PDPN: variants seen among roughly 807,000 people sequenced by gnomAD.
The protein encoded by PDPN is podoplanin, also known as PA2.26 antigen.
PDPN carries 12 observed loss-of-function variants against 23.2 expected under a neutral mutation model. The ratio of observed to expected loss-of-function variants is 0.52; its 90% confidence interval spans 0.33 to 0.84. The LOEUF (loss-of-function observed/expected upper bound fraction) is 0.84. Among genes scored for constraint, PDPN ranks in the 40% least tolerant of loss-of-function variants. The pLI, the probability that PDPN is intolerant of heterozygous loss-of-function variation, is 0.02. For missense variants in PDPN, 199 were observed against 212.2 expected (o/e 0.94, Z 0.39); for synonymous variants, 77 against 76.7 (o/e 1.00, Z -0.02).
intron 1 of PDPN, among the ~76,000 whole-genome samples, chr1:13,606,368 C>T (rs962324984): frequency 6.6e-6 from 1 of 152,094 alleles, no homozygotes; most frequent in Non-Finnish European, 1.5e-5. Flanking sequence ...TATTACTGAC[C>T]CTCCCCTGTA....
intron 1 of PDPN, among the ~76,000 whole-genome samples, chr1:13,606,887 G>A (rs555893914): frequency 1.5e-4 from 23 of 152,224 alleles, no homozygotes; most frequent in Non-Finnish European, 2.6e-4. Flanking sequence ...TACGTCCCCT[G>A]TCCAGGCCAC....
Position 13,583,847 on chromosome 1 carries a change from T to C in PDPN, c.-187T>C, listed in dbSNP as rs202164928. The C allele has an allele frequency of 5.7e-6, 9 of 1,580,752 alleles. No homozygotes were observed. The highest frequency in any genetic ancestry group is 1.9e-5 in the Admixed American group (1 of 53,874). On this transcript the variant is annotated 5_prime_UTR_variant, in exon 1 of 6. Transcript: ENST00000621990. ...GAAAGTTCTCAACTGCAAAGTTTGC[T>C]GTCCGGCTGCCTAGGGTCTGGGAAG...
intron 2 of PDPN, among the ~76,000 whole-genome samples, chr1:13,608,652 C>G (rs1640855815): frequency 6.6e-6 from 1 of 152,110 alleles, no homozygotes; most frequent in Admixed American, 6.5e-5. Flanking sequence ...AAAACGAACA[C>G]TTAAACAAAA....
rs1641087034 is a variant in PDPN, at chr1:13,616,931, C to A, written c.*1020C>A. The A allele has an allele frequency of 6.6e-6, 1 of 152,190 alleles. No homozygotes were observed. Among genetic ancestry groups the A allele is most frequent in the Non-Finnish European group, 1.5e-5 (1 of 68,042 alleles). 9.4% of individuals were successfully genotyped at this position (152,190 alleles called of 1,614,324 possible). A position where few individuals can be genotyped will look rare whatever the true frequency, so the allele number is the denominator to read the frequency against. On this transcript the variant is annotated 3_prime_UTR_variant, in exon 6 of 6. Coordinates refer to ENST00000621990, the MANE Select transcript of PDPN (RefSeq NM_006474.5). Reference sequence around the variant, plus strand: ...CTGCCAGTTTTATAACATTCACTTTCTGCCTCTGAGGAAAGATACAGGGAA... The same window carrying A: ...CTGCCAGTTTTATAACATTCACTTTATGCCTCTGAGGAAAGATACAGGGAA...
chr1:13,590,237 A>C (rs546339109), intron 1 of PDPN, among the ~76,000 whole-genome samples: 1 of 152,312 alleles, frequency 6.6e-6, no homozygotes, highest in Non-Finnish European at 1.5e-5. Context: ...TACTGAATCG[A>C]AGGATGCTGT....
At chr1:13,591,159 C>T (rs1640333366) in intron 1 of PDPN, among the ~76,000 whole-genome samples, 1 of 152,062 alleles carries the variant, frequency 6.6e-6, no homozygotes, top group East Asian at 1.9e-4. Context: ...TCAGGATGGT[C>T]TCGAACTCCT....
chr1:13,614,208 G>C, intron 4 of PDPN, 92 bp from the exon 5 acceptor site: 1 of 701,180 alleles, frequency 1.4e-6, no homozygotes, highest in Non-Finnish European at 2.5e-6. Flanking sequence ...GCTATGTGCA[G>C]TAGGGCAGTG....
chr1:13,612,124 A>G (rs200780054), intron 3 of PDPN, among the ~76,000 whole-genome samples: 66 of 15,888 alleles, frequency 4.2e-3, no homozygotes, highest in East Asian at 0.038. Context: ...TTCCTGTCAC[A>G]AAAAAATTGT....
At chr1:13,598,652 C>T (rs1640558691) in intron 1 of PDPN, among the ~76,000 whole-genome samples, 1 of 151,990 alleles carries the variant, frequency 6.6e-6, no homozygotes, top group East Asian at 1.9e-4. Context: ...ACCACCGCTC[C>T]ACACCTCTCA....
intron 1 of PDPN, among the ~76,000 whole-genome samples, chr1:13,600,266 A>G (rs935549678): frequency 1.3e-5 from 2 of 152,188 alleles, no homozygotes; most frequent in Non-Finnish European, 2.9e-5. Flanking sequence ...CATCACGAAA[A>G]TGCACAGCTG....
At position 13,607,445 on chromosome 1, in the gene PDPN, C is replaced by T. The variant is rs1040633561; in HGVS notation, c.201+139C>T. 18 of 529,978 alleles carry T rather than the reference C, an allele frequency of 3.4e-5. 1 individual carries two copies. Among genetic ancestry groups the T allele is most frequent in the Middle Eastern group, 5.2e-4 (1 of 1,922 alleles). The allele number at this position is 529,978 out of a possible 1,614,324, so 32.8% of individuals were successfully genotyped here. ...GAGCCACCATACCAAGGAATAGTTACGTGGCTCAACAAAGAAGAATAAGTC... is the reference window on the plus strand; with the variant it reads ...GAGCCACCATACCAAGGAATAGTTATGTGGCTCAACAAAGAAGAATAAGTC... On this transcript the variant is annotated intron_variant, in intron 2 of 5. Coordinates refer to ENST00000621990, the MANE Select transcript of PDPN (RefSeq NM_006474.5).
intron 5 of PDPN, among the ~76,000 whole-genome samples, chr1:13,615,059 C>A (rs12087111): frequency 0.016 from 2,386 of 152,236 alleles, 66 homozygotes; most frequent in African/African-American, 0.055. Context: ...TTCTAGAAAA[C>A]CGCCTGTCAC....
At chr1:13,601,874 G>A (rs531148118) in intron 1 of PDPN, among the ~76,000 whole-genome samples, 1 of 152,244 alleles carries the variant, frequency 6.6e-6, no homozygotes, top group Non-Finnish European at 1.5e-5. Context: ...TTGAGGAAGA[G>A]TTTGTGAGTG....
chr1:13,611,489 G>C (rs1202777959), intron 3 of PDPN, among the ~76,000 whole-genome samples: 1 of 152,116 alleles, frequency 6.6e-6, no homozygotes, highest in African/African-American at 2.4e-5. Flanking sequence ...AAAAAATACT[G>C]CATGTCTCTA....
rs1431487086 is a variant in PDPN, at chr1:13,594,475, T to C, written c.67+10375T>C. The stretch of plus-strand genomic sequence containing the variant: ...GCTCAGTCTACTCCAGACCTTTCTT[T>C]AGAAGTAGAGAGGAATATAACAGGG... On this transcript the variant is annotated intron_variant, in intron 1 of 5. Coordinates refer to ENST00000621990, the MANE Select transcript of PDPN (RefSeq NM_006474.5). Among the ~76,000 whole-genome samples the C allele has an allele frequency of 2.0e-5, 3 of 152,104 alleles. No individual in the cohort carries two copies. In the East Asian group the frequency reaches 5.8e-4, roughly 29 times the overall value.
chr1:13,610,381 C>G lies in PDPN; in HGVS notation c.202-6C>G. ...TCCTGTTTTTCCTCATTTACACCTA[C>G]AATAGGTGGCAACAAGTGTCAACAG... On this transcript the variant is annotated splice_polypyrimidine_tract_variant and splice_region_variant and intron_variant, in intron 2 of 5. Transcript: ENST00000621990. 2.5e-6 allele frequency: 4 copies of G among 1,611,404 alleles called. No homozygotes were observed. The highest frequency in any genetic ancestry group is 3.4e-6 in the Non-Finnish European group (4 of 1,178,128).
At position 13,612,286 on chromosome 1, in the gene PDPN, C is replaced by T. The variant is rs545744712; in HGVS notation, c.332-1401C>T. On this transcript the variant is annotated intron_variant, in intron 3 of 5. Coordinates refer to ENST00000621990, the MANE Select transcript of PDPN (RefSeq NM_006474.5). ...GCTGTGAAACACCCAAATACGATGA[C>T]GTGCACATGTATGATGCATGCTTAT... 1.3e-4 allele frequency among the ~76,000 whole-genome samples: 20 copies of T among 152,268 alleles called. No individual in the cohort carries two copies. The East Asian group carries it at 1.3e-3, about 10-fold the overall frequency.
chr1:13,586,053 T>A (rs1176050375), intron 1 of PDPN, among the ~76,000 whole-genome samples: 1 of 152,154 alleles, frequency 6.6e-6, no homozygotes, highest in Non-Finnish European at 1.5e-5. Flanking sequence ...CATCTGGCAT[T>A]TTTTTCCATT....
chr1:13,598,310 C>T (rs566379505), intron 1 of PDPN, among the ~76,000 whole-genome samples: 46 of 152,250 alleles, frequency 3.0e-4, no homozygotes, highest in African/African-American at 1.1e-3. Context: ...AGCCACCATG[C>T]CTGTCCCGCA....
Sources: allele counts gnomAD v4.1 joint callset (sites outside exome capture counted in the v4.1 genomes callset), GRCh38; gene constraint gnomAD v4.1.1; transcripts MANE v1.5; gene names NCBI Gene and HGNC (gene_info 2026-07-23, HGNC 2026-07-21).